Variants in HMCN1 observed in about 807,000 individuals in gnomAD.
HMCN1 encodes the protein hemicentin 1, also known as hemicentin-1.
In HMCN1, 321 loss-of-function variants were observed where a neutral mutation model predicts 625.9. The observed-to-expected ratio is 0.51, with a 90% CI of 0.47 to 0.56. HMCN1 has a LOEUF of 0.56. HMCN1 is among the 20% of genes least tolerant of loss of function. The pLI is 0.00. For missense variants in HMCN1, 6,588 were observed against 6,887.3 expected, an observed-to-expected ratio of 0.96 and a Z score of 1.54; for synonymous variants, 2,425 against 2,417.6, an observed-to-expected ratio of 1.00 and a Z score of -0.09.
chr1:186,117,330 A>T, intron 76 of HMCN1, 129 bp from the exon 77 acceptor site: 2 of 1,194,742 alleles, frequency 1.7e-6, no homozygotes, highest in Non-Finnish European at 2.4e-6. Context: ...AAATAAAAGG[A>T]GGAATCCCTT....
At chr1:186,086,521 A>G (rs1471952822) in intron 58 of HMCN1, 114 bp downstream of exon 58, 1 of 1,061,880 alleles carries the variant, frequency 9.4e-7, no homozygotes, top group Non-Finnish European at 1.4e-6. Flanking sequence ...TTATTTATTC[A>G]CAGTAAATGC....
At chr1:186,187,380 T>C (rs1239528767) in intron 105 of HMCN1, among the ~76,000 whole-genome samples, 2 of 152,118 alleles carry the variant, frequency 1.3e-5, no homozygotes, top group Non-Finnish European at 2.9e-5. Flanking sequence ...CTCTCCTGAA[T>C]TCATAACTTG....
chr1:186,118,171 GA>G lies in HMCN1; in HGVS notation c.11848+557del, dbSNP rs59877211. ...CATTTATACAATTTATAGTATTGAA[GA>G]AAAAAAAATCACCTAAAGTATAGGT... On this transcript the variant is annotated intron_variant, in intron 77 of 106. Coordinates refer to ENST00000271588, the MANE Select transcript of HMCN1 (RefSeq NM_031935.3). Among the ~76,000 whole-genome samples the G allele has an allele frequency of 9.6e-3, 1,449 of 151,094 alleles. 24 individuals are homozygous for G. Among genetic ancestry groups the G allele is most frequent in the African/African-American group, 0.032 (1,311 of 41,222 alleles).
At chr1:185,743,799 CATT>C (rs773001760) in intron 1 of HMCN1, among the ~76,000 whole-genome samples, 2 of 152,120 alleles carry the variant, frequency 1.3e-5, no homozygotes, top group Non-Finnish European at 2.9e-5. Context: ...TTAAATAAAA[CATT>C]ATATGTGAAA....
At chr1:185,964,193 T>G (rs892943646) in intron 13 of HMCN1, among the ~76,000 whole-genome samples, 1 of 152,130 alleles carries the variant, frequency 6.6e-6, no homozygotes, top group Admixed American at 6.6e-5. Context: ...ATTTTACTTT[T>G]AAATTAATAA....
chr1:185,835,654 T>A (rs773858336), intron 1 of HMCN1, among the ~76,000 whole-genome samples: 2 of 152,078 alleles, frequency 1.3e-5, no homozygotes. Context: ...ATATTAGAAG[T>A]ATTTAAATTT....
chr1:186,052,434 C>A (rs928089241), intron 42 of HMCN1, among the ~76,000 whole-genome samples: 1 of 151,998 alleles, frequency 6.6e-6, no homozygotes, highest in Non-Finnish European at 1.5e-5. Flanking sequence ...AAGCTGTAGG[C>A]CAGTAGAGAA....
chr1:186,014,764 T>C (rs567916101), intron 30 of HMCN1, among the ~76,000 whole-genome samples: 45 of 152,226 alleles, frequency 3.0e-4, no homozygotes, highest in Middle Eastern at 3.4e-3. Flanking sequence ...ACCTTTAGTA[T>C]TGGGGAGAGG....
intron 1 of HMCN1, among the ~76,000 whole-genome samples, chr1:185,801,458 T>C (rs923138476): frequency 6.6e-6 from 1 of 152,238 alleles, no homozygotes; most frequent in Non-Finnish European, 1.5e-5. Flanking sequence ...TTCTGCAACA[T>C]GCTAGATACT....
chr1:185,834,345 T>C (rs771104327), intron 1 of HMCN1, among the ~76,000 whole-genome samples: 3 of 152,188 alleles, frequency 2.0e-5, no homozygotes, highest in African/African-American at 4.8e-5. Flanking sequence ...AAATACTGAT[T>C]GGACCTTGTG....
chr1:186,063,418 GA>G (rs1260743314), intron 48 of HMCN1, among the ~76,000 whole-genome samples: 1 of 135,058 alleles, frequency 7.4e-6, no homozygotes, highest in Admixed American at 7.6e-5. Flanking sequence ...TGGGGAGGGA[GA>G]AAGGAAGGGA....
intron 88 of HMCN1, 42 bp downstream of exon 88, chr1:186,137,710 C>A (rs1558251674): frequency 1.4e-5 from 23 of 1,613,466 alleles, no homozygotes; most frequent in Non-Finnish European, 1.9e-5. Flanking sequence ...GTTTAATAGA[C>A]CTTCATTTCT....
At chr1:186,093,409 A>G (rs1659951889) in intron 65 of HMCN1, 77 bp from the exon 66 acceptor site, 2 of 1,585,030 alleles carry the variant, frequency 1.3e-6, no homozygotes, top group Admixed American at 1.7e-5. Context: ...AATGAGAGCA[A>G]TTGTAGTAGA....
At chr1:185,776,442 TTGTGTG>T (rs57003461) in intron 1 of HMCN1, among the ~76,000 whole-genome samples, 2,044 of 147,010 alleles carry the variant, frequency 0.014, 30 homozygotes, top group African/African-American at 0.04. Flanking sequence ...TTGTATAGGG[TTGTGTG>T]TGTGTGTGTG....
chr1:186,166,959 C>G lies in HMCN1; in HGVS notation c.15574+17C>G. On this transcript the variant is annotated intron_variant, in intron 100 of 106. Transcript: ENST00000271588. ...GTTGTCAAGGTATAAAAATGGAGGC[C>G]TTTTCTTTATGTTCATGACAGTAAG... The G allele has an allele frequency of 6.2e-7, 1 of 1,613,954 alleles. No homozygotes were observed. Among genetic ancestry groups the G allele is most frequent in the Non-Finnish European group, 8.5e-7 (1 of 1,179,916 alleles).
At chr1:185,758,427 G>A (rs1387459952) in intron 1 of HMCN1, among the ~76,000 whole-genome samples, 1 of 152,278 alleles carries the variant, frequency 6.6e-6, no homozygotes, top group East Asian at 1.9e-4. Context: ...CTTGAGCTCA[G>A]GAGTTCAAGA....
chr1:185,939,156 A>G (rs750605439), intron 11 of HMCN1, among the ~76,000 whole-genome samples: 1 of 152,190 alleles, frequency 6.6e-6, no homozygotes, highest in Non-Finnish European at 1.5e-5. Flanking sequence ...CTCAGTGGCT[A>G]TTATCAGGTT....
intron 11 of HMCN1, among the ~76,000 whole-genome samples, chr1:185,943,386 T>A (rs942163216): frequency 1.3e-5 from 2 of 152,206 alleles, no homozygotes; most frequent in African/African-American, 4.8e-5. Context: ...AGAACTGAAT[T>A]AAATTAGAAG....
At chr1:185,941,880 A>C (rs759861518) in intron 11 of HMCN1, among the ~76,000 whole-genome samples, 66 of 152,212 alleles carry the variant, frequency 4.3e-4, no homozygotes, top group Non-Finnish European at 8.5e-4. Context: ...CTAAAGAATT[A>C]GACTTATTTA....
Sources: gnomAD v4.1 joint callset for allele counts (sites outside exome capture counted in the v4.1 genomes callset) on GRCh38, gnomAD v4.1.1 for gene constraint, MANE v1.5 for transcripts, NCBI Gene and HGNC (gene_info 2026-07-23, HGNC 2026-07-21) for gene names.